The following ASXL3 variants were observed in gnomAD, a reference collection of about 807,000 sequenced individuals.
ASXL3 encodes putative Polycomb group protein ASXL3.
A neutral mutation model predicts 170.6 loss-of-function variants in ASXL3; 34 were observed. The ratio of observed to expected loss-of-function variants is 0.20; its 90% CI spans 0.15 to 0.27. The LOEUF is 0.27. Among genes scored for constraint, ASXL3 ranks in the 10% least tolerant of loss-of-function variants. The pLI is 1.00. For synonymous variants in ASXL3, 1,002 were observed against 989.1 expected (o/e 1.01, Z -0.24); for missense variants, 2,592 against 2,695.3 (o/e 0.96, Z 0.85).
intron 2 of ASXL3, among the ~76,000 whole-genome samples, chr18:33,622,511 G>A (rs1457903921): frequency 6.6e-6 from 1 of 152,126 alleles, no homozygotes; most frequent in African/African-American, 2.4e-5. Flanking sequence ...AAGTTTGCAT[G>A]GGTATCATGG....
intron 8 of ASXL3, among the ~76,000 whole-genome samples, chr18:33,700,261 G>C (rs1019323447): frequency 3.9e-5 from 6 of 152,024 alleles, no homozygotes; most frequent in Non-Finnish European, 7.4e-5. Context: ...GTGGCTTACT[G>C]TAACGATCCC....
intron 8 of ASXL3, among the ~76,000 whole-genome samples, chr18:33,699,208 T>C (rs1190087921): frequency 3.3e-5 from 5 of 152,104 alleles, no homozygotes; most frequent in Admixed American, 6.6e-5. Flanking sequence ...TGAAATGCTC[T>C]GATGTTAGAT....
rs1233911827 is a variant in ASXL3, at chr18:33,738,564, G to A, written c.1160G>A (p.Cys387Tyr). ...GCTGGAGCTCAAAGTAGTTCTTCAT[G>A]TGGGACTTCTGGCCTTCCAGTTTCT... Reference protein sequence around the residue: ...NNAGAQSSSSCGTSGLPVSAQ... With the variant: ...NNAGAQSSSSYGTSGLPVSAQ... Residue 387 changes from cysteine (C) to tyrosine (Y), a missense_variant, in exon 11 of 12, where the codon TGT becomes TAT. By Grantham distance (194) the Cys-to-Tyr change is radical. Transcript: ENST00000269197. 1 of 1,613,842 alleles carries A rather than the reference G, an allele frequency of 6.2e-7. No individual in the cohort carries two copies.
At chr18:33,695,162 A>C (rs1027532733) in intron 8 of ASXL3, among the ~76,000 whole-genome samples, 1 of 152,184 alleles carries the variant, frequency 6.6e-6, no homozygotes, top group African/African-American at 2.4e-5. Flanking sequence ...ATGTCAATTT[A>C]CTTAAAAGAT....
chr18:33,672,949 G>A (rs1169089366), intron 7 of ASXL3, among the ~76,000 whole-genome samples: 1 of 151,924 alleles, frequency 6.6e-6, no homozygotes, highest in Non-Finnish European at 1.5e-5. Context: ...TTTAAATATA[G>A]CATACTTCTT....
At chr18:33,706,636 G>T (rs572087360) in intron 8 of ASXL3, among the ~76,000 whole-genome samples, 3 of 151,766 alleles carry the variant, frequency 2.0e-5, no homozygotes, top group African/African-American at 7.2e-5. Flanking sequence ...ATCCCCATTT[G>T]TATATTACCA....
intron 1 of ASXL3, among the ~76,000 whole-genome samples, chr18:33,595,470 T>G (rs550922069): frequency 6.6e-6 from 1 of 152,294 alleles, no homozygotes; most frequent in Non-Finnish European, 1.5e-5. Context: ...AACTATAGGC[T>G]CAATAATTAG....
rs150752638 is a variant in ASXL3 at position 33,581,472 on chromosome 18, A to AGTGTGTGT, written c.54+2809_54+2816dup. Among the ~76,000 whole-genome samples the AGTGTGTGT allele has an allele frequency of 5.8e-3, 843 of 145,280 alleles. 12 individuals carry two copies. The highest frequency in any genetic ancestry group is 0.02 in the African/African-American group (786 of 39,828). ...TATATATATCTTTCTTGCTGGAGTG[A>AGTGTGTGT]GTGTGTGTGTGTGTGTGTGTGTGTG... On this transcript the variant is annotated intron_variant, in intron 1 of 11. Transcript: ENST00000269197.
intron 7 of ASXL3, among the ~76,000 whole-genome samples, chr18:33,677,139 C>T (rs2066442679): frequency 6.6e-6 from 1 of 152,110 alleles, no homozygotes; most frequent in Non-Finnish European, 1.5e-5. Flanking sequence ...GTGGGCTTAA[C>T]TTCTGGGATT....
At chr18:33,662,687 T>C (rs1362646458) in intron 5 of ASXL3, among the ~76,000 whole-genome samples, 1 of 152,172 alleles carries the variant, frequency 6.6e-6, no homozygotes, top group Non-Finnish European at 1.5e-5. Context: ...TTTCCTCTGA[T>C]ACAATCATCT....
At chr18:33,698,142 C>G (rs185153769) in intron 8 of ASXL3, among the ~76,000 whole-genome samples, 1 of 152,216 alleles carries the variant, frequency 6.6e-6, no homozygotes, top group Non-Finnish European at 1.5e-5. Flanking sequence ...GTGATTAAGT[C>G]AGGAGGACTT....
intron 7 of ASXL3, among the ~76,000 whole-genome samples, chr18:33,679,870 C>G (rs1011204931): frequency 6.6e-6 from 1 of 151,890 alleles, no homozygotes; most frequent in Non-Finnish European, 1.5e-5. Context: ...GTGTCCTTAC[C>G]TTTCATTCCT....
intron 7 of ASXL3, among the ~76,000 whole-genome samples, chr18:33,673,342 C>G (rs1027172678): frequency 6.6e-6 from 1 of 151,330 alleles, no homozygotes; most frequent in Non-Finnish European, 1.5e-5. Context: ...ATACCCTTAT[C>G]AGTATCCTCT....
intron 8 of ASXL3, among the ~76,000 whole-genome samples, chr18:33,724,149 A>AT (rs2067307136): frequency 6.6e-6 from 1 of 152,102 alleles, no homozygotes; most frequent in South Asian, 2.1e-4. Flanking sequence ...TCTTTGTGAT[A>AT]TGCCTGTATA....
At chr18:33,661,936 G>A (rs1253677654) in intron 5 of ASXL3, among the ~76,000 whole-genome samples, 199 bp downstream of exon 5, 1 of 151,928 alleles carries the variant, frequency 6.6e-6, no homozygotes, top group Non-Finnish European at 1.5e-5. Flanking sequence ...GAACTTTGAT[G>A]TAAAATAGAA....
chr18:33,651,182 A>G (rs577279687), intron 4 of ASXL3, among the ~76,000 whole-genome samples: 10 of 152,196 alleles, frequency 6.6e-5, no homozygotes, highest in South Asian at 6.2e-4. Flanking sequence ...ACAAAGAGGA[A>G]CCCTTGGCTT....
chr18:33,623,642 C>T (rs1327279080), intron 2 of ASXL3, among the ~76,000 whole-genome samples: 1 of 152,102 alleles, frequency 6.6e-6, no homozygotes, highest in East Asian at 1.9e-4. Flanking sequence ...ATCCAATTTG[C>T]ATTCTAAGAT....
rs1192339653 is a variant in ASXL3, at chr18:33,744,126, T to C, written c.4278T>C (p.Tyr1426=). Residue 1426 remains tyrosine, a synonymous_variant, in exon 12 of 12, where the codon TAT becomes TAC. Coordinates refer to ENST00000269197, the MANE Select transcript of ASXL3 (RefSeq NM_030632.3). ...GAAACATGCTGACAATAAACTCTTATGATAGTCCTCCCAAGTTAAGTGCTG... is the reference window on the plus strand; with the variant it reads ...GAAACATGCTGACAATAAACTCTTACGATAGTCCTCCCAAGTTAAGTGCTG... ...FTGNMLTINS[Y]DSPPKLSAES... 14 of 1,613,908 alleles carry C rather than the reference T, an allele frequency of 8.7e-6. No individual in the cohort carries two copies. Among genetic ancestry groups the C allele is most frequent in the South Asian group, 2.2e-5 (2 of 91,088 alleles).
In ASXL3 at chr18:33,739,038, C is replaced by T. The variant is rs2067601994; in HGVS notation, c.1634C>T (p.Pro545Leu). The change falls in exon 11 of 12, where the codon CCT becomes CTT. Residue 545 changes from proline (P) to leucine (L), a missense_variant. Physicochemically the swap from Pro to Leu is moderately conservative, Grantham distance 98. Coordinates refer to ENST00000269197, the MANE Select transcript of ASXL3 (RefSeq NM_030632.3). ...TTAGAAGTCTGTGACTCTCTTATTC[C>T]TTCCACTTCATCTATGACTCATGTC... ...DQLEVCDSLI[P>L]STSSMTHVSD... 2 of 1,613,406 alleles carry T rather than the reference C, an allele frequency of 1.2e-6. No homozygotes were observed. The highest frequency in any genetic ancestry group is 1.7e-6 in the Non-Finnish European group (2 of 1,179,642).
Sources: allele counts gnomAD v4.1 joint callset (sites outside exome capture counted in the v4.1 genomes callset), GRCh38; gene constraint gnomAD v4.1.1; transcripts MANE v1.5; gene names NCBI Gene and HGNC (gene_info 2026-07-23, HGNC 2026-07-21).